CASR: variants seen among roughly 807,000 people sequenced by gnomAD.
CASR encodes the protein extracellular calcium-sensing receptor.
In CASR, 23 loss-of-function variants were observed where a neutral mutation model predicts 69.1. The ratio of observed to expected loss-of-function variants is 0.33; its 90% CI spans 0.24 to 0.47. CASR has a LOEUF of 0.47. Among genes scored for constraint, CASR ranks in the 20% least tolerant of loss-of-function variants. The probability of loss-of-function intolerance (pLI) is 1.00; values close to 1 mark genes in which losing one functional copy is unlikely to be tolerated. For synonymous variants in CASR, 541 were observed against 544.7 expected (o/e 0.99, Z 0.10); for missense variants, 924 against 1,356.1 (o/e 0.68, Z 5.00).
intron 1 of CASR, among the ~76,000 whole-genome samples, chr3:122,229,063 T>C (rs1320492921): frequency 6.6e-6 from 1 of 152,256 alleles, no homozygotes; most frequent in Non-Finnish European, 1.5e-5. Context: ...TAGCCTTGCC[T>C]ATGTGCCGTT....
At chr3:122,226,553 C>G (rs1478417873) in intron 1 of CASR, among the ~76,000 whole-genome samples, 2 of 152,140 alleles carry the variant, frequency 1.3e-5, no homozygotes, top group East Asian at 3.8e-4. Context: ...TTATCTGGCC[C>G]CACCCACATC....
intron 5 of CASR, among the ~76,000 whole-genome samples, chr3:122,280,850 T>C (rs1378885252): frequency 4.6e-5 from 7 of 152,252 alleles, no homozygotes; most frequent in East Asian, 1.9e-4. Flanking sequence ...AGCCCTACTA[T>C]GTATTAAGCA....
Position 122,284,783 on chromosome 3 carries a change from G to A in CASR, c.2829G>A (p.Gln943=), listed in dbSNP as rs764614440. 8 of 1,614,074 alleles carry A rather than the reference G, an allele frequency of 5.0e-6. No individual in the cohort carries two copies. The highest frequency in any genetic ancestry group is 6.8e-6 in the Non-Finnish European group (8 of 1,180,034). ...QQPLALTQQE[Q]QQQPLTLPQQ... is the part of the protein sequence containing the mutation. Reference sequence around the variant, plus strand: ...CGCTGGCCCTAACCCAGCAAGAGCAGCAGCAGCAGCCCCTGACCCTCCCAC... The same window carrying A: ...CGCTGGCCCTAACCCAGCAAGAGCAACAGCAGCAGCCCCTGACCCTCCCAC... Residue 943 remains glutamine, a synonymous_variant, in exon 7 of 7, where the codon CAG becomes CAA. Coordinates refer to ENST00000639785, the MANE Select transcript of CASR (RefSeq NM_000388.4).
intron 2 of CASR, among the ~76,000 whole-genome samples, chr3:122,254,737 TTGACCTTACA>T (rs2074537078): frequency 6.6e-6 from 1 of 152,178 alleles, no homozygotes; most frequent in Non-Finnish European, 1.5e-5. Flanking sequence ...AAATCCCCCA[TTGACCTTACA>T]TGCTCCAATG....
At chr3:122,213,577 A>G (rs959148523) in intron 1 of CASR, among the ~76,000 whole-genome samples, 6 of 152,134 alleles carry the variant, frequency 3.9e-5, no homozygotes, top group Non-Finnish European at 7.3e-5. Context: ...ACCATACCCC[A>G]TATGAATTCT....
At chr3:122,193,838 A>T (rs536434121) in intron 1 of CASR, among the ~76,000 whole-genome samples, 22 of 152,298 alleles carry the variant, frequency 1.4e-4, no homozygotes, top group African/African-American at 5.1e-4. Flanking sequence ...CAGTTACTAC[A>T]GTTACTTTAC....
chr3:122,199,740 G>C (rs1469745478), intron 1 of CASR, among the ~76,000 whole-genome samples: 4 of 152,128 alleles, frequency 2.6e-5, no homozygotes, highest in African/African-American at 9.7e-5. Flanking sequence ...GGATGCGGGG[G>C]TGGGAGGTGA....
At position 122,289,615 on chromosome 3, in the gene CASR, T is replaced by A. The variant is rs2074995210; in HGVS notation, c.*4424T>A. 6.6e-6 allele frequency: 1 copy of A among 152,410 alleles called. No individual in the cohort carries two copies. Among genetic ancestry groups the A allele is most frequent in the African/African-American group, 2.4e-5 (1 of 41,442 alleles). The allele number at this position is 152,410 out of a possible 1,614,324, so 9.4% of individuals were successfully genotyped here. On this transcript the variant is annotated 3_prime_UTR_variant, in exon 7 of 7. Transcript: ENST00000639785. ...GGCAGGAAGCCGGGCAGAGCCAGCA[T>A]GAAGGTGCCTCTGGGAACTGGAGGG...
rs958608702 is a variant in CASR at position 122,241,651 on chromosome 3, A to G, written c.-242-12297A>G. 7.2e-5 allele frequency among the ~76,000 whole-genome samples: 11 copies of G among 152,208 alleles called. No homozygotes were observed. In the East Asian group the frequency reaches 2.1e-3, roughly 29 times the overall value. On this transcript the variant is annotated intron_variant, in intron 1 of 6. Coordinates refer to ENST00000639785, the MANE Select transcript of CASR (RefSeq NM_000388.4). ...AACTATTCCAAAAAACAGAGGAGGA[A>G]GGAATACTTCCAAACTCATTGTATG...
At chr3:122,202,400 A>T (rs2073965768) in intron 1 of CASR, among the ~76,000 whole-genome samples, 1 of 151,474 alleles carries the variant, frequency 6.6e-6, no homozygotes, top group Non-Finnish European at 1.5e-5. Flanking sequence ...CATCAGAGGG[A>T]GACCGTGGAA....
intron 1 of CASR, among the ~76,000 whole-genome samples, chr3:122,191,937 A>G (rs944214174): frequency 2.0e-5 from 3 of 152,254 alleles, no homozygotes; most frequent in Non-Finnish European, 4.4e-5. Flanking sequence ...GTGGGGCACA[A>G]TGGAAACTGT....
At chr3:122,240,822 T>TGGATAGGTAACGTGTGGTAGA (rs2074372723) in intron 1 of CASR, among the ~76,000 whole-genome samples, 1 of 152,130 alleles carries the variant, frequency 6.6e-6, no homozygotes, top group Non-Finnish European at 1.5e-5. Flanking sequence ...ATTGAAATAA[T>TGGATAGGTAACGTGTGGTAGA]ATCAAGCATT....
At chr3:122,262,883 G>C (rs749206098) in intron 4 of CASR, among the ~76,000 whole-genome samples, 2 of 152,164 alleles carry the variant, frequency 1.3e-5, no homozygotes, top group African/African-American at 2.4e-5. Flanking sequence ...CACCCAGCAG[G>C]TCAGCTAAGC....
At chr3:122,231,788 G>C (rs2074281356) in intron 1 of CASR, among the ~76,000 whole-genome samples, 1 of 151,696 alleles carries the variant, frequency 6.6e-6, no homozygotes, top group African/African-American at 2.4e-5. Context: ...GAACTCTCAG[G>C]ACTATCTCAT....
chr3:122,201,197 C>T (rs762301720), intron 1 of CASR, among the ~76,000 whole-genome samples: 72 of 151,942 alleles, frequency 4.7e-4, no homozygotes, highest in Non-Finnish European at 7.7e-4. Context: ...GGAGTGGTGA[C>T]GACTCCCAAC....
chr3:122,244,607 G>A (rs1267053768), intron 1 of CASR, among the ~76,000 whole-genome samples: 1 of 152,136 alleles, frequency 6.6e-6, no homozygotes, highest in Non-Finnish European at 1.5e-5. Flanking sequence ...CTTTGGGGAA[G>A]GTAATGACTC....
chr3:122,270,889 A>T (rs1472027530), intron 4 of CASR, among the ~76,000 whole-genome samples: 1 of 152,148 alleles, frequency 6.6e-6, no homozygotes, highest in African/African-American at 2.4e-5. Flanking sequence ...TTTTAAATTT[A>T]TTGAAACTTG....
chr3:122,252,362 AGAAGGAAGGAAGGAAGGAAGGAAG>A (rs11273970), intron 1 of CASR, among the ~76,000 whole-genome samples: 1 of 26,220 alleles, frequency 3.8e-5, no homozygotes, highest in African/African-American at 1.6e-4. Flanking sequence ...AAAGAAAGAA[AGAAGGAAGGAAGGAAGGAAGGAAG>A]GAAGGAAGGA....
intron 5 of CASR, among the ~76,000 whole-genome samples, chr3:122,279,680 A>G (rs1198059390): frequency 6.6e-6 from 1 of 152,228 alleles, no homozygotes; most frequent in East Asian, 1.9e-4. Flanking sequence ...AAAAACAAAA[A>G]TTTTTAACCT....
Sources: allele counts gnomAD v4.1 joint callset (sites outside exome capture counted in the v4.1 genomes callset), GRCh38; gene constraint gnomAD v4.1.1; transcripts MANE v1.5; gene names NCBI Gene and HGNC (gene_info 2026-07-23, HGNC 2026-07-21).